The following MAEA variants were observed in gnomAD, a reference collection of about 807,000 sequenced individuals.
MAEA encodes macrophage erythroblast attacher, E3 ubiquitin ligase.
MAEA carries 22 observed loss-of-function variants against 46.2 expected under a neutral mutation model. The observed-to-expected ratio is 0.48, with a 90% CI of 0.34 to 0.68. The LOEUF (loss-of-function observed/expected upper bound fraction) is 0.68, where lower values mean the gene tolerates loss of function less well. MAEA is among the 30% of genes least tolerant of loss of function. MAEA has a pLI of 0.01. For missense variants in MAEA, 393 were observed against 558.1 expected, an observed-to-expected ratio of 0.70 and a Z score of 2.98; for synonymous variants, 246 against 222.6, an observed-to-expected ratio of 1.11 and a Z score of -0.94.
At position 1,339,249 on chromosome 4, in the gene MAEA, C is replaced by T; in HGVS notation, c.*80C>T. On this transcript the variant is annotated 3_prime_UTR_variant, in exon 9 of 9. Transcript: ENST00000303400. ...CACGCCTTCCTCCTGTCCCACGCTC[C>T]AGCCTGCCGCGGCGTTTCTGTTTCT... 1.0e-6 allele frequency: 1 copy of T among 1,004,836 alleles called. No individual in the cohort carries two copies. The highest frequency in any genetic ancestry group is 1.6e-6 in the Non-Finnish European group (1 of 633,418). The allele number at this position is 1,004,836 out of a possible 1,614,324, so 62.2% of individuals were successfully genotyped here.
At chr4:1,323,726 G>GTC (rs779950730) in intron 4 of MAEA, 1 of 664,016 alleles carries the variant, frequency 1.5e-6, no homozygotes, top group Non-Finnish European at 2.7e-6. Context: ...TCAGAGGGAA[G>GTC]ATAGGTTCTT....
intron 1 of MAEA, among the ~76,000 whole-genome samples, chr4:1,297,477 A>T (rs559293223): frequency 9.1e-6 from 1 of 109,458 alleles, no homozygotes; most frequent in Admixed American, 8.8e-5. Context: ...GTGTGTATAC[A>T]TACATATAGA....
chr4:1,332,383 A>G (rs947734232), intron 5 of MAEA: 14 of 189,814 alleles, frequency 7.4e-5, no homozygotes, highest in Non-Finnish European at 1.2e-4. Flanking sequence ...CTTTGTACCT[A>G]GACTCTGACA....
rs1036521024 is a variant in MAEA at position 1,332,815 on chromosome 4, G to A, written c.715G>A (p.Ala239Thr). 1.2e-6 allele frequency: 2 copies of A among 1,613,318 alleles called. No individual in the cohort carries two copies. Among genetic ancestry groups the A allele is most frequent in the Middle Eastern group, 1.7e-4 (1 of 6,058 alleles). The change falls in exon 6 of 9, where the codon GCC becomes ACC. Residue 239 changes from alanine to threonine, a missense_variant. Coordinates refer to ENST00000303400, the MANE Select transcript of MAEA (RefSeq NM_001017405.3). ...EGSQLDEVRQAMGMLAFPPDT... is the reference protein window; with the variant it reads ...EGSQLDEVRQTMGMLAFPPDT... ...GAGCCAGCTGGACGAGGTGCGCCAG[G>A]CCATGGGCATGCTGGCCTTCCCGCC...
Position 1,290,474 on chromosome 4 carries a change from A to G in MAEA, c.69+492A>G, listed in dbSNP as rs536042876. 1.6e-3 allele frequency among the ~76,000 whole-genome samples: 247 copies of G among 152,284 alleles called. 1 individual carries two copies. Among genetic ancestry groups the G allele is most frequent in the Non-Finnish European group, 3.0e-3 (204 of 68,010 alleles). ...AGCGACCTTTTTGATGGGCGTCACCAAACCTGAAATACAGCTCTTGCCGTC... is the reference window on the plus strand; with the variant it reads ...AGCGACCTTTTTGATGGGCGTCACCGAACCTGAAATACAGCTCTTGCCGTC... On this transcript the variant is annotated intron_variant, in intron 1 of 8. Transcript: ENST00000303400.
chr4:1,309,321 C>G lies in MAEA; in HGVS notation c.70-2658C>G, dbSNP rs544052905. ...TCCACTCACTCGGTCACCAAATGCC[C>G]TTTAAGGAGCCTGTGAAGGGGCTCT... is the stretch of plus-strand genomic sequence containing the variant. On this transcript the variant is annotated intron_variant, in intron 1 of 8. Coordinates refer to ENST00000303400, the MANE Select transcript of MAEA (RefSeq NM_001017405.3). 2.6e-4 allele frequency: 185 copies of G among 706,880 alleles called. No homozygotes were observed. The African/African-American group carries it at 3.1e-3, about 12-fold the overall frequency. The allele number at this position is 706,880 out of a possible 1,614,324, so 43.8% of individuals were successfully genotyped here.
chr4:1,316,827 T>C (rs946694256), intron 3 of MAEA, among the ~76,000 whole-genome samples: 5 of 152,004 alleles, frequency 3.3e-5, no homozygotes, highest in African/African-American at 9.7e-5. Context: ...CACGCCCCCA[T>C]GCAGCCATCT....
intron 4 of MAEA, chr4:1,323,499 G>T (rs867875358): frequency 2.8e-6 from 2 of 702,538 alleles, no homozygotes; most frequent in Admixed American, 2.0e-5. Flanking sequence ...ACTCAGGGCC[G>T]CCAAAACAAG....
At chr4:1,305,254 C>A (rs1194444538) in intron 1 of MAEA, among the ~76,000 whole-genome samples, 3 of 152,192 alleles carry the variant, frequency 2.0e-5, no homozygotes, top group Non-Finnish European at 4.4e-5. Context: ...CCAGGTGTCC[C>A]CTGGGGAGCA....
At position 1,337,121 on chromosome 4, in the gene MAEA, G is replaced by A. The variant is rs1038284112; in HGVS notation, c.899+127G>A. 3.8e-5 allele frequency: 46 copies of A among 1,194,912 alleles called. No homozygotes were observed. In the African/African-American group the frequency reaches 6.0e-4, roughly 16 times the overall value. The allele number at this position is 1,194,912 out of a possible 1,614,324, so 74.0% of individuals were successfully genotyped here. A position where few individuals can be genotyped will look rare whatever the true frequency, so the allele number is the denominator to read the frequency against. ...CACAGACAGCCCCGAGCTCCCGTGTGCTGCACTTGCGTGGTGTCTGGATGG... is the reference window on the plus strand; with the variant it reads ...CACAGACAGCCCCGAGCTCCCGTGTACTGCACTTGCGTGGTGTCTGGATGG... On this transcript the variant is annotated intron_variant, in intron 7 of 8. Coordinates refer to ENST00000303400, the MANE Select transcript of MAEA (RefSeq NM_001017405.3).
At chr4:1,326,013 C>A (rs1365401893) in intron 4 of MAEA, among the ~76,000 whole-genome samples, 1 of 151,864 alleles carries the variant, frequency 6.6e-6, no homozygotes, top group Non-Finnish European at 1.5e-5. Context: ...AGGGCAGGGA[C>A]CTGAGCCCCT....
intron 6 of MAEA, chr4:1,334,857 G>T (rs1259532739): frequency 1.0e-6 from 1 of 985,282 alleles, no homozygotes. Flanking sequence ...GGACCTTCTG[G>T]ACTGTGGGCT....
At chr4:1,313,164 T>C (rs2108912522) in intron 2 of MAEA, among the ~76,000 whole-genome samples, 1 of 152,332 alleles carries the variant, frequency 6.6e-6, no homozygotes, top group East Asian at 1.9e-4. Context: ...CAGCCTTCAC[T>C]CCGGTGAGGT....
intron 4 of MAEA, 29 bp downstream of exon 4, chr4:1,322,532 G>A: frequency 6.2e-7 from 1 of 1,611,960 alleles, no homozygotes; most frequent in South Asian, 1.1e-5. Flanking sequence ...TGGGGTGGGA[G>A]TGGGTCGGGG....
At chr4:1,321,890 T>C (rs1365534378) in intron 3 of MAEA, among the ~76,000 whole-genome samples, 2 of 152,020 alleles carry the variant, frequency 1.3e-5, no homozygotes, top group Non-Finnish European at 2.9e-5. Flanking sequence ...TTTTTTTTCT[T>C]TGCTTTCATA....
chr4:1,299,925 T>C (rs1463674036), intron 1 of MAEA: 1 of 152,128 alleles, frequency 6.6e-6, no homozygotes, highest in Non-Finnish European at 1.5e-5. Context: ...GATTATAAGC[T>C]CTTTTGAAGG....
chr4:1,327,092 T>C (rs979862568), intron 4 of MAEA, among the ~76,000 whole-genome samples: 1 of 152,186 alleles, frequency 6.6e-6, no homozygotes, highest in Admixed American at 6.5e-5. Flanking sequence ...GGTCCCTGTC[T>C]CCTCCCCACC....
chr4:1,323,126 T>C (rs1306986362), intron 4 of MAEA, among the ~76,000 whole-genome samples: 1 of 151,958 alleles, frequency 6.6e-6, no homozygotes, highest in African/African-American at 2.4e-5. Context: ...TTTGTATTTT[T>C]AGTAGACATG....
intron 3 of MAEA, among the ~76,000 whole-genome samples, chr4:1,318,320 G>T (rs928433841): frequency 6.6e-6 from 1 of 152,256 alleles, no homozygotes; most frequent in Non-Finnish European, 1.5e-5. Flanking sequence ...AATGTGCGCT[G>T]TGTTGGGGGA....
Sources: gnomAD v4.1 joint callset for allele counts (sites outside exome capture counted in the v4.1 genomes callset) on GRCh38, gnomAD v4.1.1 for gene constraint, MANE v1.5 for transcripts, NCBI Gene and HGNC (gene_info 2026-07-23, HGNC 2026-07-21) for gene names.